CDH12: variants seen among roughly 807,000 people sequenced by gnomAD.
The protein encoded by CDH12 is cadherin-12.
Under a neutral mutation model 74.1 loss-of-function variants are expected in CDH12, and 41 were observed. The observed-to-expected ratio is 0.55, with a 90% CI of 0.43 to 0.72. The LOEUF is 0.72. Among genes scored for constraint, CDH12 ranks in the 30% least tolerant of loss-of-function variants. The pLI, the probability that CDH12 is intolerant of heterozygous loss-of-function variation, is 0.00. For synonymous variants in CDH12, 399 were observed against 355.0 expected (o/e 1.12, Z -1.39); for missense variants, 945 against 977.2 (o/e 0.97, Z 0.44).
intron 1 of CDH12, among the ~76,000 whole-genome samples, chr5:22,757,701 G>A (rs1745999092): frequency 6.6e-6 from 1 of 152,130 alleles, no homozygotes; most frequent in Non-Finnish European, 1.5e-5. Flanking sequence ...TCATTTGCAA[G>A]TTTTCTGATA....
intron 3 of CDH12, among the ~76,000 whole-genome samples, chr5:22,380,057 T>C (rs1325050940): frequency 1.3e-5 from 2 of 152,162 alleles, no homozygotes; most frequent in Non-Finnish European, 2.9e-5. Context: ...CCATGGCTGG[T>C]CCTCTCAAAC....
chr5:22,169,780 G>A (rs1016765868), intron 4 of CDH12, among the ~76,000 whole-genome samples: 8 of 151,828 alleles, frequency 5.3e-5, no homozygotes, highest in Admixed American at 3.3e-4. Flanking sequence ...ATCCTTCTGA[G>A]TTACCTCTGT....
chr5:22,580,292 G>A (rs1043268058), intron 1 of CDH12: 20 of 394,604 alleles, frequency 5.1e-5, no homozygotes, highest in Middle Eastern at 4.0e-4. Flanking sequence ...CAAAGAGGTC[G>A]TCGATGTCAA....
intron 8 of CDH12, among the ~76,000 whole-genome samples, chr5:21,819,739 G>T (rs529695508): frequency 6.6e-6 from 1 of 151,956 alleles, no homozygotes; most frequent in Non-Finnish European, 1.5e-5. Context: ...ACAGAGAGCC[G>T]TCAAGTATAG....
At chr5:22,740,054 T>C (rs1744941555) in intron 1 of CDH12, among the ~76,000 whole-genome samples, 1 of 152,162 alleles carries the variant, frequency 6.6e-6, no homozygotes. Flanking sequence ...TTACATAATT[T>C]GATTTGGGGC....
chr5:22,631,204 A>G (rs1040776925), intron 1 of CDH12, among the ~76,000 whole-genome samples: 6 of 152,210 alleles, frequency 3.9e-5, no homozygotes, highest in African/African-American at 1.4e-4. Flanking sequence ...AGATTAGTTT[A>G]GCCATTGTGG....
intron 3 of CDH12, among the ~76,000 whole-genome samples, chr5:22,356,230 A>T (rs1247443227): frequency 6.6e-6 from 1 of 152,168 alleles, no homozygotes; most frequent in Non-Finnish European, 1.5e-5. Context: ...CCAAATATGA[A>T]AGCCCCAAAT....
intron 1 of CDH12, among the ~76,000 whole-genome samples, chr5:22,796,271 C>G (rs1364025835): frequency 6.6e-6 from 1 of 152,108 alleles, no homozygotes; most frequent in Non-Finnish European, 1.5e-5. Context: ...CTTCCATACT[C>G]TTGTCCATAA....
intron 3 of CDH12, among the ~76,000 whole-genome samples, chr5:22,284,991 G>A (rs909686854): frequency 2.7e-5 from 4 of 149,202 alleles, no homozygotes; most frequent in African/African-American, 4.9e-5. Flanking sequence ...TTAAGTGTGT[G>A]TAAAGAATAT....
rs553672031 is a variant in CDH12 at position 22,648,897 on chromosome 5, C to A, written c.-522-143533G>T. Reference sequence around the variant, plus strand: ...TTCTTGCCAATTACTTTAAGCTTAACAAAATATCTACTGTGAACAGGATAA... The same window carrying A: ...TTCTTGCCAATTACTTTAAGCTTAAAAAAATATCTACTGTGAACAGGATAA... On this transcript the variant is annotated intron_variant, in intron 1 of 14. Transcript: ENST00000382254. Among the ~76,000 whole-genome samples, 4 of 151,820 alleles carry A rather than the reference C, an allele frequency of 2.6e-5. No individual in the cohort carries two copies. In the East Asian group the frequency reaches 7.7e-4, roughly 29 times the overall value.
intron 8 of CDH12, among the ~76,000 whole-genome samples, chr5:21,818,781 G>A (rs1471040738): frequency 6.6e-6 from 1 of 151,696 alleles, no homozygotes; most frequent in African/African-American, 2.4e-5. Flanking sequence ...TCTCAAAAAT[G>A]CACTTAAAAG....
chr5:22,692,894 T>C (rs914200118), intron 1 of CDH12, among the ~76,000 whole-genome samples: 2 of 152,196 alleles, frequency 1.3e-5, no homozygotes, highest in African/African-American at 4.8e-5. Context: ...ATTCTCATGA[T>C]GAACAAACAG....
At chr5:22,678,725 A>G (rs183960331) in intron 1 of CDH12, among the ~76,000 whole-genome samples, 2 of 152,276 alleles carry the variant, frequency 1.3e-5, no homozygotes, top group Admixed American at 6.5e-5. Flanking sequence ...ATAAAGAAGG[A>G]AAGAACAACA....
chr5:22,699,349 G>A (rs1030237344), intron 1 of CDH12, among the ~76,000 whole-genome samples: 2 of 152,172 alleles, frequency 1.3e-5, no homozygotes, highest in African/African-American at 4.8e-5. Context: ...ATACATGTTT[G>A]TTAACACGAT....
At chr5:22,021,029 G>A (rs1256658706) in intron 5 of CDH12, among the ~76,000 whole-genome samples, 1 of 152,140 alleles carries the variant, frequency 6.6e-6, no homozygotes, top group African/African-American at 2.4e-5. Context: ...TATCTGAAAT[G>A]CTTGGGACGA....
chr5:22,732,273 T>C (rs1313399929), intron 1 of CDH12, among the ~76,000 whole-genome samples: 1 of 151,764 alleles, frequency 6.6e-6, no homozygotes, highest in African/African-American at 2.4e-5. Flanking sequence ...TCTCCACTTC[T>C]TATAAGTGTA....
At chr5:22,020,633 G>T (rs1737914438) in intron 5 of CDH12, among the ~76,000 whole-genome samples, 1 of 151,538 alleles carries the variant, frequency 6.6e-6, no homozygotes, top group South Asian at 2.1e-4. Context: ...TCTCTTTCTG[G>T]CTTGATGATG....
intron 1 of CDH12, among the ~76,000 whole-genome samples, chr5:22,576,797 G>A (rs1362393407): frequency 6.6e-6 from 1 of 152,130 alleles, no homozygotes; most frequent in African/African-American, 2.4e-5. Context: ...TACTGGAAGT[G>A]AGAATTGGGA....
In CDH12 at chr5:21,842,308, G is replaced by T; in HGVS notation, c.667C>A (p.Pro223Thr). The T allele has an allele frequency of 1.2e-6, 2 of 1,610,304 alleles. No individual in the cohort carries two copies. Among genetic ancestry groups the T allele is most frequent in the Non-Finnish European group, 1.7e-6 (2 of 1,178,034 alleles). ...TCTTTGACTTCTCTGTCCATGTTTG[G>T]CAAAGCTGTTCTAATAACACCTTAA... is the stretch of plus-strand genomic sequence containing the variant. ...PKTGVIRTAL[P>T]NMDREVKEQY... The change falls in exon 8 of 15, where the codon CCA (proline) becomes ACA (threonine). Residue 223 changes from proline (P) to threonine (T), a missense_variant. Physicochemically the swap from Pro to Thr is conservative, Grantham distance 38. Transcript: ENST00000382254.
Sources: allele counts gnomAD v4.1 joint callset (sites outside exome capture counted in the v4.1 genomes callset), GRCh38; gene constraint gnomAD v4.1.1; transcripts MANE v1.5; gene names NCBI Gene and HGNC (gene_info 2026-07-23, HGNC 2026-07-21).